TBC1D22A: variants seen among roughly 807,000 people sequenced by gnomAD.
The protein encoded by TBC1D22A is TBC1 domain family member 22A.
In TBC1D22A, 38 loss-of-function variants were observed where a neutral mutation model predicts 60.2. The ratio of observed to expected loss-of-function variants is 0.63; its 90% CI spans 0.49 to 0.83. The LOEUF (loss-of-function observed/expected upper bound fraction) is 0.83. Ranked by LOEUF, TBC1D22A falls within the 40% of genes least tolerant of loss-of-function variation. The pLI is 0.00. For synonymous variants in TBC1D22A, 302 were observed against 281.7 expected (o/e 1.07, Z -0.72); for missense variants, 628 against 701.0 (o/e 0.90, Z 1.18).
At chr22:46,938,865 C>T (rs1274875585) in intron 8 of TBC1D22A, among the ~76,000 whole-genome samples, 2 of 151,940 alleles carry the variant, frequency 1.3e-5, no homozygotes, top group Non-Finnish European at 2.9e-5. Flanking sequence ...GGATTACAGG[C>T]GTGAGCCACC....
At chr22:47,082,805 T>G (rs2064523901) in intron 11 of TBC1D22A, among the ~76,000 whole-genome samples, 1 of 152,196 alleles carries the variant, frequency 6.6e-6, no homozygotes, top group African/African-American at 2.4e-5. Flanking sequence ...TACCACCACT[T>G]TGGAAAACTG....
At position 47,068,950 on chromosome 22, in the gene TBC1D22A, G is replaced by A. The variant is rs575631342; in HGVS notation, c.1329+31752G>A. 3.9e-5 allele frequency among the ~76,000 whole-genome samples: 6 copies of A among 152,268 alleles called. No individual in the cohort carries two copies. In the South Asian group the frequency reaches 6.2e-4, roughly 16 times the overall value. Reference sequence around the variant, plus strand: ...GTGAAGGCGAGAATTAGTTTAATACGTAATTAGACATATTATTTGTGACTC... The same window carrying A: ...GTGAAGGCGAGAATTAGTTTAATACATAATTAGACATATTATTTGTGACTC... On this transcript the variant is annotated intron_variant, in intron 11 of 12. Transcript: ENST00000337137.
At chr22:46,954,133 A>G (rs1449610777) in intron 8 of TBC1D22A, among the ~76,000 whole-genome samples, 2 of 152,156 alleles carry the variant, frequency 1.3e-5, no homozygotes, top group African/African-American at 4.8e-5. Flanking sequence ...CATAGGCACT[A>G]GAGTCAGACA....
intron 4 of TBC1D22A, among the ~76,000 whole-genome samples, chr22:46,808,007 G>A (rs2085223523): frequency 6.6e-6 from 1 of 152,062 alleles, no homozygotes; most frequent in Non-Finnish European, 1.5e-5. Flanking sequence ...ACTTGGTACA[G>A]GATTAAATCA....
chr22:46,828,072 C>G (rs1273625557), intron 4 of TBC1D22A, among the ~76,000 whole-genome samples: 1 of 152,200 alleles, frequency 6.6e-6, no homozygotes, highest in East Asian at 1.9e-4. Flanking sequence ...GTGCCATTGA[C>G]TAAGATTAGA....
chr22:46,873,900 C>T (rs1382392685), intron 4 of TBC1D22A, among the ~76,000 whole-genome samples: 2 of 152,068 alleles, frequency 1.3e-5, no homozygotes, highest in Non-Finnish European at 2.9e-5. Context: ...GGGTTCACAC[C>T]ATTCTTCTGC....
At chr22:47,059,690 T>C (rs1007689630) in intron 11 of TBC1D22A, among the ~76,000 whole-genome samples, 2 of 152,172 alleles carry the variant, frequency 1.3e-5, no homozygotes, top group Admixed American at 1.3e-4. Flanking sequence ...TGTCATGAGC[T>C]AATTGGAATG....
At position 46,913,013 on chromosome 22, in the gene TBC1D22A, T is replaced by C. The variant is rs576904206; in HGVS notation, c.1015+825T>C. On this transcript the variant is annotated intron_variant, in intron 8 of 12. Coordinates refer to ENST00000337137, the MANE Select transcript of TBC1D22A (RefSeq NM_014346.5). Reference sequence around the variant, plus strand: ...AGTAACATTTGGTTTCATGAGAGTATTAATTACTTGTGAAATAACTGGTTG... The same window carrying C: ...AGTAACATTTGGTTTCATGAGAGTACTAATTACTTGTGAAATAACTGGTTG... Among the ~76,000 whole-genome samples the C allele has an allele frequency of 2.0e-5, 3 of 152,358 alleles. No individual in the cohort carries two copies. The South Asian group carries it at 6.2e-4, about 32-fold the overall frequency.
At chr22:46,785,146 C>T (rs1207429184) in intron 1 of TBC1D22A, among the ~76,000 whole-genome samples, 1 of 152,182 alleles carries the variant, frequency 6.6e-6, no homozygotes, top group Non-Finnish European at 1.5e-5. Flanking sequence ...ACATGGGGCA[C>T]AGTGGGATGT....
chr22:46,925,832 C>G (rs968624336), intron 8 of TBC1D22A, among the ~76,000 whole-genome samples: 1 of 152,140 alleles, frequency 6.6e-6, no homozygotes, highest in African/African-American at 2.4e-5. Flanking sequence ...TAGATATCCA[C>G]AGAACACTGC....
chr22:47,043,551 T>G (rs1023364348), intron 11 of TBC1D22A, among the ~76,000 whole-genome samples: 4 of 151,830 alleles, frequency 2.6e-5, no homozygotes, highest in Admixed American at 6.6e-5. Flanking sequence ...TCAGCAAGAG[T>G]GCGATACAGG....
At chr22:46,927,487 A>G (rs1001651257) in intron 8 of TBC1D22A, among the ~76,000 whole-genome samples, 3 of 152,240 alleles carry the variant, frequency 2.0e-5, no homozygotes, top group Non-Finnish European at 4.4e-5. Context: ...TTCTGTGACT[A>G]ACATCATGCT....
At chr22:47,036,087 C>T (rs761494122) in intron 10 of TBC1D22A, among the ~76,000 whole-genome samples, 21 of 152,096 alleles carry the variant, frequency 1.4e-4, no homozygotes, top group South Asian at 4.2e-4. Flanking sequence ...ATTAGGTAAG[C>T]GTGGAGAGAA....
At chr22:46,792,391 G>A (rs1007866131) in intron 1 of TBC1D22A, 129 bp from the exon 2 acceptor site, 178 of 1,301,070 alleles carry the variant, frequency 1.4e-4, no homozygotes, top group Admixed American at 1.8e-4. Flanking sequence ...GGGGGCCTGC[G>A]ACAGCCCATG....
chr22:46,915,749 A>G (rs759447119), intron 8 of TBC1D22A: 7 of 456,546 alleles, frequency 1.5e-5, no homozygotes, highest in African/African-American at 8.0e-5. Context: ...TGTGTTCGCC[A>G]TGTGTCCAGA....
intron 4 of TBC1D22A, among the ~76,000 whole-genome samples, chr22:46,813,372 T>A (rs2085463491): frequency 6.6e-6 from 1 of 152,206 alleles, no homozygotes; most frequent in Non-Finnish European, 1.5e-5. Flanking sequence ...GGCATTTAAT[T>A]TACAGTTATT....
intron 10 of TBC1D22A, among the ~76,000 whole-genome samples, chr22:47,000,485 A>G (rs1480273600): frequency 6.6e-6 from 1 of 152,158 alleles, no homozygotes; most frequent in African/African-American, 2.4e-5. Flanking sequence ...TGCCGTGGAG[A>G]CACGAAGGTG....
intron 12 of TBC1D22A, among the ~76,000 whole-genome samples, chr22:47,133,129 G>A (rs2066740609): frequency 6.6e-6 from 1 of 152,224 alleles, no homozygotes; most frequent in Non-Finnish European, 1.5e-5. Context: ...GTTCAACTTT[G>A]TATTCATATA....
At chr22:46,840,548 C>A (rs960866918) in intron 4 of TBC1D22A, among the ~76,000 whole-genome samples, 1 of 152,092 alleles carries the variant, frequency 6.6e-6, no homozygotes, top group Non-Finnish European at 1.5e-5. Context: ...GCCTGGCCAA[C>A]ATAGTGAAAC....
Sources: gnomAD v4.1 joint callset for allele counts (sites outside exome capture counted in the v4.1 genomes callset) on GRCh38, gnomAD v4.1.1 for gene constraint, MANE v1.5 for transcripts, NCBI Gene and HGNC (gene_info 2026-07-23, HGNC 2026-07-21) for gene names.